IRAK4: variants seen among roughly 807,000 people sequenced by gnomAD.
The protein encoded by IRAK4 is interleukin-1 receptor-associated kinase 4.
Under a neutral mutation model 51.8 loss-of-function variants are expected in IRAK4, and 44 were observed. The observed-to-expected ratio is 0.85, with a 90% CI of 0.67 to 1.09. The LOEUF (loss-of-function observed/expected upper bound fraction) is 1.09. IRAK4 is among the 50% of genes least tolerant of loss of function. The pLI is 0.00. For synonymous variants in IRAK4, 149 were observed against 174.1 expected (o/e 0.86, Z 1.13); for missense variants, 487 against 538.0 (o/e 0.91, Z 0.94).
rs767825666 is a variant in IRAK4 at position 43,772,862 on chromosome 12, AT to A, written c.491-48del. ...CTTCAAATGAGAAAATATTATAATT[AT>A]TAAAACGAATTTTTAAAATTTAAGC... On this transcript the variant is annotated intron_variant, in intron 4 of 11. Coordinates refer to ENST00000613694, the MANE Select transcript of IRAK4 (RefSeq NM_016123.4). 3 of 1,334,054 alleles carry A rather than the reference AT, an allele frequency of 2.2e-6. No individual in the cohort carries two copies. In the East Asian group the frequency reaches 7.6e-5, roughly 34 times the overall value. 82.6% of individuals were successfully genotyped at this position (1,334,054 alleles called of 1,614,324 possible).
At chr12:43,769,037 G>A (rs1386968634) in intron 2 of IRAK4, among the ~76,000 whole-genome samples, 1 of 152,100 alleles carries the variant, frequency 6.6e-6, no homozygotes, top group Non-Finnish European at 1.5e-5. Flanking sequence ...AGAAGCTTAA[G>A]TTTAAACTGT....
At chr12:43,779,124 C>T (rs933292666) in intron 8 of IRAK4, among the ~76,000 whole-genome samples, 1 of 152,060 alleles carries the variant, frequency 6.6e-6, no homozygotes, top group African/African-American at 2.4e-5. Context: ...ACTAGTCAAA[C>T]GTGGTATTGC....
chr12:43,760,236 T>G (rs1285742467), intron 1 of IRAK4, among the ~76,000 whole-genome samples: 2 of 152,116 alleles, frequency 1.3e-5, no homozygotes, highest in African/African-American at 4.8e-5. Context: ...CATAGCTTTC[T>G]ATTGGCTCCA....
chr12:43,776,690 T>C (rs996324909), intron 6 of IRAK4, among the ~76,000 whole-genome samples: 1 of 152,252 alleles, frequency 6.6e-6, no homozygotes, highest in Non-Finnish European at 1.5e-5. Flanking sequence ...GTAGGTCACA[T>C]ATCCAGGAGG....
At chr12:43,764,236 C>T (rs1297233869) in intron 1 of IRAK4, among the ~76,000 whole-genome samples, 1 of 152,162 alleles carries the variant, frequency 6.6e-6, no homozygotes, top group Non-Finnish European at 1.5e-5. Context: ...CCAGCCTGGT[C>T]AACATGGCGA....
intron 10 of IRAK4, among the ~76,000 whole-genome samples, chr12:43,785,448 G>A (rs1011348948): frequency 1.3e-5 from 2 of 151,830 alleles, no homozygotes; most frequent in Non-Finnish European, 2.9e-5. Context: ...TTGGAATTGC[G>A]CTATTAGAAG....
At position 43,772,924 on chromosome 12, in the gene IRAK4, T is replaced by C; in HGVS notation, c.503T>C (p.Phe168Ser). 1 of 1,608,314 alleles carries C rather than the reference T, an allele frequency of 6.2e-7. No homozygotes were observed. The highest frequency in any genetic ancestry group is 8.5e-7 in the Non-Finnish European group (1 of 1,176,834). The part of the protein sequence containing the change: ...LEVSDTRFHS[F>S]SFYELKNVTN... ...TATTTTGACATAGGTTTTCACAGTT[T>C]TTCATTTTATGAATTGAAGAATGTC... The change falls in exon 5 of 12, where the codon TTT (phenylalanine) becomes TCT (serine). Residue 168 changes from phenylalanine (F) to serine (S), a missense_variant. Phe to Ser is a radical substitution (Grantham distance 155, BLOSUM62 -2). Coordinates refer to ENST00000613694, the MANE Select transcript of IRAK4 (RefSeq NM_016123.4).
At chr12:43,776,753 T>G (rs1160052191) in intron 6 of IRAK4, among the ~76,000 whole-genome samples, 2 of 152,250 alleles carry the variant, frequency 1.3e-5, no homozygotes, top group Non-Finnish European at 2.9e-5. Flanking sequence ...CCTGTTTTCT[T>G]TCGTCTTACC....
chr12:43,785,106 T>G (rs1020941828), intron 10 of IRAK4, among the ~76,000 whole-genome samples: 1 of 152,182 alleles, frequency 6.6e-6, no homozygotes, highest in Non-Finnish European at 1.5e-5. Flanking sequence ...AGAGAGAATC[T>G]TGCCTTGCTC....
At chr12:43,762,584 G>C (rs775376612) in intron 1 of IRAK4, among the ~76,000 whole-genome samples, 2 of 152,132 alleles carry the variant, frequency 1.3e-5, no homozygotes, top group East Asian at 1.9e-4. Context: ...GTTGTGAGTC[G>C]TTGCTGAGGT....
In IRAK4 at chr12:43,773,000, A is replaced by C; in HGVS notation, c.579A>C (p.Gly193=). ...RPISVGGNKM[G]EGGFGVVYKG... is the part of the protein sequence containing the mutation. ...TTTCTGTTGGTGGTAATAAAATGGG[A>C]GAGGGAGGATTTGGAGTTGTATATA... Residue 193 remains glycine (G), a synonymous_variant, in exon 5 of 12, where the codon GGA becomes GGC. Transcript: ENST00000613694. The C allele has an allele frequency of 6.2e-7, 1 of 1,612,756 alleles. No individual in the cohort carries two copies.
rs886332656 is a variant in IRAK4 at position 43,787,294 on chromosome 12, A to G, written c.*579A>G. 3.3e-5 allele frequency: 5 copies of G among 153,198 alleles called. No homozygotes were observed. Among genetic ancestry groups the G allele is most frequent in the African/African-American group, 7.2e-5 (3 of 41,464 alleles). The allele number at this position is 153,198 out of a possible 1,614,324, so 9.5% of individuals were successfully genotyped here. ...TGTTCACAGCAATCATTTAACCACA[A>G]ATAAAATATCCCTTGATGATACTGC... On this transcript the variant is annotated 3_prime_UTR_variant, in exon 12 of 12. Coordinates refer to ENST00000613694, the MANE Select transcript of IRAK4 (RefSeq NM_016123.4).
At chr12:43,759,695 C>G (rs927529768) in intron 1 of IRAK4, 3 of 152,216 alleles carry the variant, frequency 2.0e-5, no homozygotes, top group Admixed American at 1.3e-4. Context: ...ATGGTGAAAC[C>G]CCTGTCTCTA....
chr12:43,763,152 A>G (rs1451197193), intron 1 of IRAK4: 1 of 152,234 alleles, frequency 6.6e-6, no homozygotes, highest in Non-Finnish European at 1.5e-5. Context: ...TTCCAAGTTA[A>G]TTTATACAGC....
chr12:43,773,955 AT>A lies in IRAK4; in HGVS notation c.652-4del. ...TGTGTAGTATTACATTGTATATTTT[AT>A]TTTTTCAGATGGTTGACATTACTAC... On this transcript the variant is annotated splice_polypyrimidine_tract_variant and intron_variant, in intron 5 of 11. Coordinates refer to ENST00000613694, the MANE Select transcript of IRAK4 (RefSeq NM_016123.4). 6.4e-7 allele frequency: 1 copy of A among 1,570,122 alleles called. No homozygotes were observed. Among genetic ancestry groups the A allele is most frequent in the Non-Finnish European group, 8.8e-7 (1 of 1,141,266 alleles).
rs778635605 is a variant in IRAK4 at position 43,772,887 on chromosome 12, G to A, written c.491-25G>A. Reference sequence around the variant, plus strand: ...ATTAAAACGAATTTTTAAAATTTAAGCATGTTTTTCTTATTTTGACATAGG... The same window carrying A: ...ATTAAAACGAATTTTTAAAATTTAAACATGTTTTTCTTATTTTGACATAGG... On this transcript the variant is annotated intron_variant, in intron 4 of 11. Transcript: ENST00000613694. 3.3e-6 allele frequency: 5 copies of A among 1,537,938 alleles called. No homozygotes were observed. In the South Asian group the frequency reaches 4.7e-5, roughly 15 times the overall value.
At chr12:43,770,017 A>G (rs1049759957) in intron 2 of IRAK4, among the ~76,000 whole-genome samples, 4 of 152,226 alleles carry the variant, frequency 2.6e-5, no homozygotes, top group Admixed American at 6.5e-5. Flanking sequence ...AATTTTATCA[A>G]TTATTCAATT....
intron 8 of IRAK4, among the ~76,000 whole-genome samples, chr12:43,780,469 G>A (rs141032836): frequency 4.3e-4 from 65 of 152,170 alleles, no homozygotes; most frequent in African/African-American, 1.2e-3. Context: ...AGCTCAAGCA[G>A]AGGAACTGAC....
At position 43,777,702 on chromosome 12, in the gene IRAK4, T is replaced by TG. The variant is rs1178654731; in HGVS notation, c.789_790insG (p.Tyr264ValfsTer4). 6.2e-7 allele frequency: 1 copy of TG among 1,613,348 alleles called. No homozygotes were observed. Among genetic ancestry groups the TG allele is most frequent in the Non-Finnish European group, 8.5e-7 (1 of 1,179,630 alleles). The stretch of plus-strand genomic sequence containing the variant: ...GAGATGACCTCTGCTTAGTATATGT[T>TG]TACATGCCTAATGGTTCATTGCTAG... On this transcript the variant is annotated frameshift_variant, in exon 7 of 12. Transcript: ENST00000613694. LOFTEE classifies it high-confidence loss of function.
Sources: gnomAD v4.1 joint callset for allele counts (sites outside exome capture counted in the v4.1 genomes callset) on GRCh38, gnomAD v4.1.1 for gene constraint, MANE v1.5 for transcripts, NCBI Gene and HGNC (gene_info 2026-07-23, HGNC 2026-07-21) for gene names.